SYNE1: variants seen among roughly 807,000 people sequenced by gnomAD.
SYNE1 encodes nesprin-1.
A neutral mutation model predicts 1,111.0 loss-of-function variants in SYNE1; 616 were observed. The observed-to-expected ratio is 0.55, with a 90% CI of 0.52 to 0.59. The LOEUF (loss-of-function observed/expected upper bound fraction) is 0.59. SYNE1 is among the 20% of genes least tolerant of loss of function. The pLI is 0.00. For synonymous variants in SYNE1, 3,855 were observed against 3,825.8 expected, an observed-to-expected ratio of 1.01 and a Z score of -0.28; for missense variants, 10,006 against 10,417.0, an observed-to-expected ratio of 0.96 and a Z score of 1.72.
At position 152,352,073 on chromosome 6, in the gene SYNE1, G is replaced by T; in HGVS notation, c.11534C>A (p.Pro3845His). The T allele has an allele frequency of 6.2e-7, 1 of 1,614,056 alleles. No individual in the cohort carries two copies. Among genetic ancestry groups the T allele is most frequent in the African/African-American group, 1.3e-5 (1 of 74,992 alleles). Reference protein sequence around the residue: ...YQEILHVPEEPKMELYEKKAQ... With the variant: ...YQEILHVPEEHKMELYEKKAQ... ...TTTTTTCTCATATAATTCCATTTTG[G>T]GTTCTTCAGGAACATGTAGAATTTC... is the stretch of plus-strand genomic sequence containing the variant. Residue 3845 changes from proline to histidine, a missense_variant, in exon 70 of 146, where the codon CCC (proline) becomes CAC (histidine). Physicochemically the swap from Pro to His is moderately conservative, Grantham distance 77 (BLOSUM62 -2). Around this residue, in one of 7 missense-constraint regions of SYNE1, gnomAD observed 4,955 missense variants for 5,017.2 expected, o/e 0.99. Coordinates refer to ENST00000367255, the MANE Select transcript of SYNE1 (RefSeq NM_182961.4).
chr6:152,325,855 A>T, intron 80 of SYNE1, 103 bp downstream of exon 80: 1 of 1,317,226 alleles, frequency 7.6e-7, no homozygotes, highest in African/African-American at 2.9e-5. Context: ...TCCTTATCAC[A>T]TTGAAAAAAG....
chr6:152,425,973 A>G (rs1353947924), intron 38 of SYNE1, among the ~76,000 whole-genome samples: 1 of 152,230 alleles, frequency 6.6e-6, no homozygotes, highest in African/African-American at 2.4e-5. Context: ...ACAATAAGAG[A>G]GATGCAATTC....
rs968829958 is a variant in SYNE1, at chr6:152,330,934, A to T, written c.13751T>A (p.Val4584Asp). The T allele has an allele frequency of 7.4e-6, 12 of 1,614,136 alleles. No individual in the cohort carries two copies. Among genetic ancestry groups the T allele is most frequent in the Non-Finnish European group, 9.3e-6 (11 of 1,179,976 alleles). ...ACHWLKQADI[V>D]TFPEINLMNE... Reference sequence around the variant, plus strand: ...CATTAGGTTGATTTCAGGAAATGTAACAATATCTGCTTGTTTTAGCCAGTG... The same window carrying T: ...CATTAGGTTGATTTCAGGAAATGTATCAATATCTGCTTGTTTTAGCCAGTG... Residue 4584 changes from valine (V) to aspartate (D), a missense_variant, in exon 78 of 146, where the codon GTT (valine) becomes GAT (aspartate). Val to Asp is a radical substitution (Grantham distance 152, BLOSUM62 -3). This residue lies in a region of SYNE1 where 4,955 missense variants were observed against 5,017.2 expected (regional missense o/e 0.99). Transcript: ENST00000367255.
Position 152,164,256 on chromosome 6 carries a change from G to C in SYNE1, c.23697C>G (p.Thr7899=), listed in dbSNP as rs751514252. ...QLDKNMSSLR[T]WLAHIESELA... is the part of the protein sequence containing the mutation. Reference sequence around the variant, plus strand: ...GCTCTGACTCGATGTGAGCGAGCCAGGTCCTCAGGCTGCTCATGTTCTTAT... The same window carrying C: ...GCTCTGACTCGATGTGAGCGAGCCACGTCCTCAGGCTGCTCATGTTCTTAT... Residue 7899 remains threonine, a synonymous_variant, in exon 131 of 146, where the codon ACC becomes ACG. Transcript: ENST00000367255. 1 of 1,614,200 alleles carries C rather than the reference G, an allele frequency of 6.2e-7. No homozygotes were observed. The highest frequency in any genetic ancestry group is 8.5e-7 in the Non-Finnish European group (1 of 1,180,044).
chr6:152,462,095 TAA>T (rs35271364), intron 20 of SYNE1, among the ~76,000 whole-genome samples: 56,182 of 147,300 alleles, frequency 0.38, 10,847 homozygotes, highest in East Asian at 0.7. Flanking sequence ...TGGTTTTCGT[TAA>T]AAAAAAAAAA....
At chr6:152,608,060 T>C (rs1369412576) in intron 3 of SYNE1, among the ~76,000 whole-genome samples, 2 of 152,060 alleles carry the variant, frequency 1.3e-5, no homozygotes, top group African/African-American at 2.4e-5. Flanking sequence ...GGAGGGAACC[T>C]AGATGATGGG....
chr6:152,362,171 T>G lies in SYNE1; in HGVS notation c.10298A>C (p.Lys3433Thr). 6.2e-7 allele frequency: 1 copy of G among 1,614,232 alleles called. No individual in the cohort carries two copies. Among genetic ancestry groups the G allele is most frequent in the Non-Finnish European group, 8.5e-7 (1 of 1,180,042 alleles). Residue 3433 changes from lysine (K) to threonine (T), a missense_variant and splice_region_variant, in exon 64 of 146, where the codon AAG (lysine) becomes ACG (threonine). Lys to Thr is a moderately conservative substitution (Grantham distance 78). Coordinates refer to ENST00000367255, the MANE Select transcript of SYNE1 (RefSeq NM_182961.4). ...RDKTTMLGKAKLLNEEVLSYS... is the reference protein window; with the variant it reads ...RDKTTMLGKATLLNEEVLSYS... ...TGGAATCTGAAATCCAGCTCTCACCTTGGCTTTTCCGAGCATCGTTGTTTT... is the reference window on the plus strand; with the variant it reads ...TGGAATCTGAAATCCAGCTCTCACCGTGGCTTTTCCGAGCATCGTTGTTTT...
intron 19 of SYNE1, 91 bp from the exon 20 acceptor site, chr6:152,462,981 T>C: frequency 6.8e-7 from 1 of 1,463,948 alleles, no homozygotes; most frequent in Non-Finnish European, 9.5e-7. Context: ...TTCGCTGGAA[T>C]TGTTATCCGG....
At chr6:152,629,547 G>GGGGGGGGGGGGGGGGGGGGGT (rs2099694063) in intron 2 of SYNE1, among the ~76,000 whole-genome samples, 1 of 105,510 alleles carries the variant, frequency 9.5e-6, no homozygotes, top group Non-Finnish European at 2.0e-5. Flanking sequence ...GAGGGGGAGG[G>GGGGGGGGGGGGGGGGGGGGGT]GAGGAGGGGG....
intron 145 of SYNE1, chr6:152,125,700 A>G (rs909290522): frequency 5.3e-6 from 1 of 186,994 alleles, no homozygotes; most frequent in Admixed American, 5.9e-5. Context: ...AATTTTCATT[A>G]GGAGACATTT....
In SYNE1 at chr6:152,135,168, T is replaced by A. The variant is rs1258380992; in HGVS notation, c.25724A>T (p.Glu8575Val). ...AAGGTTAGAATCAATAGGGACAATT[T>A]CATTTTTCCTTCTGTCAATGTTCTC... Reference protein sequence around the residue: ...MLENIDRRKNEIVPIDSNLDA... With the variant: ...MLENIDRRKNVIVPIDSNLDA... The change falls in exon 142 of 146, where the codon GAA becomes GTA. Residue 8575 changes from glutamate to valine, a missense_variant. This residue lies in a region of SYNE1 where 761 missense variants were observed against 795.5 expected (regional missense o/e 0.96). Transcript: ENST00000367255. The A allele has an allele frequency of 8.7e-6, 14 of 1,614,168 alleles. No individual in the cohort carries two copies. Among genetic ancestry groups the A allele is most frequent in the Non-Finnish European group, 1.0e-5 (12 of 1,180,006 alleles).
chr6:152,435,997 C>T lies in SYNE1; in HGVS notation c.4254G>A (p.Gln1418=), dbSNP rs372222715. 11 of 1,614,046 alleles carry T rather than the reference C, an allele frequency of 6.8e-6. No homozygotes were observed. The highest frequency in any genetic ancestry group is 4.0e-5 in the African/African-American group (3 of 74,916). ...LGPQNKQLLQ[Q]QAKSIKEQVK... is the part of the protein sequence containing the mutation. Reference sequence around the variant, plus strand: ...CTTGTTCTTTGATTGACTTGGCCTGCTGTTGAAGCAGCTGCTTATTTTGGG... The same window carrying T: ...CTTGTTCTTTGATTGACTTGGCCTGTTGTTGAAGCAGCTGCTTATTTTGGG... Residue 1418 remains glutamine, a synonymous_variant, in exon 33 of 146, where the codon CAG becomes CAA. Transcript: ENST00000367255.
intron 130 of SYNE1, chr6:152,168,178 G>T: frequency 1.3e-6 from 1 of 774,114 alleles, no homozygotes; most frequent in Non-Finnish European, 2.4e-6. Context: ...CCATCCTCAG[G>T]GCACTCAGGT....
At chr6:152,459,432 C>T (rs1415904891) in intron 21 of SYNE1, among the ~76,000 whole-genome samples, 4 of 152,154 alleles carry the variant, frequency 2.6e-5, no homozygotes, top group South Asian at 2.1e-4. Context: ...CAGGCCTGTG[C>T]TTTCCTGCCT....
At chr6:152,175,617 T>C (rs1368327110) in intron 130 of SYNE1, among the ~76,000 whole-genome samples, 8 of 152,262 alleles carry the variant, frequency 5.3e-5, no homozygotes, top group East Asian at 3.8e-4. Context: ...GCTTGTGATA[T>C]GTAGTGAATA....
intron 124 of SYNE1, among the ~76,000 whole-genome samples, chr6:152,208,553 C>T (rs952940443): frequency 2.0e-5 from 3 of 152,170 alleles, no homozygotes; most frequent in Admixed American, 6.5e-5. Context: ...CTAAGCAGCT[C>T]CATAGCAACA....
chr6:152,610,737 C>T (rs2099628848), intron 3 of SYNE1, among the ~76,000 whole-genome samples: 1 of 152,110 alleles, frequency 6.6e-6, no homozygotes, highest in Non-Finnish European at 1.5e-5. Context: ...GTAAGGGCAG[C>T]CAGAGAGATA....
At chr6:152,256,540 TGG>T in intron 102 of SYNE1, 92 bp downstream of exon 102, 1 of 1,546,228 alleles carries the variant, frequency 6.5e-7, no homozygotes, top group East Asian at 2.4e-5. Flanking sequence ...TGCTCAGGGG[TGG>T]ATGCAACAGT....
intron 74 of SYNE1, 33 bp from the exon 75 acceptor site, chr6:152,339,399 G>A (rs2096483001): frequency 6.2e-7 from 1 of 1,611,116 alleles, no homozygotes; most frequent in Non-Finnish European, 8.5e-7. Flanking sequence ...TGAAAGAGAT[G>A]CATCAGCTAT....
Sources: gnomAD v4.1 joint callset for allele counts (sites outside exome capture counted in the v4.1 genomes callset) on GRCh38, gnomAD v4.1.1 for gene constraint, gnomAD v4.1.1 regional missense constraint, MANE v1.5 for transcripts, NCBI Gene and HGNC (gene_info 2026-07-23, HGNC 2026-07-21) for gene names.